The following UGT1A5 variants were observed in gnomAD, a reference collection of about 807,000 sequenced individuals.
UGT1A5 encodes the protein UDP glucuronosyltransferase family 1 member A5, also known as UDP-glucuronosyltransferase 1A5.
UGT1A5 carries 29 observed loss-of-function variants against 40.3 expected under a neutral mutation model. That is an observed-to-expected ratio of 0.72 (90% CI 0.54 to 0.98). UGT1A5 has a LOEUF of 0.98. UGT1A5 is among the 50% of genes least tolerant of loss of function. UGT1A5 has a pLI of 0.00. For missense variants in UGT1A5, 678 were observed against 677.9 expected, an observed-to-expected ratio of 1.00 and a Z score of 0.00; for synonymous variants, 257 against 262.5, an observed-to-expected ratio of 0.98 and a Z score of 0.20.
Position 233,743,192 on chromosome 2 carries a change from T to C in UGT1A5, c.868-23842T>C, listed in dbSNP as rs560095677. ...AAAGTCAAATGTGGACTGGAATTAC[T>C]TGGTGTCAATGCGGAGTAACTGCTC... On this transcript the variant is annotated intron_variant, in intron 1 of 4. Coordinates refer to ENST00000373414, the MANE Select transcript of UGT1A5 (RefSeq NM_019078.2). The C allele has an allele frequency of 2.2e-3, 846 of 376,748 alleles. 20 individuals carry two copies. The highest frequency in any genetic ancestry group is 0.016 in the South Asian group (827 of 50,812). 23.3% of individuals were successfully genotyped at this position (376,748 alleles called of 1,614,324 possible). A position where few individuals can be genotyped will look rare whatever the true frequency, so the allele number is the denominator to read the frequency against.
At chr2:233,718,360 T>C (rs2076649371) in intron 1 of UGT1A5, among the ~76,000 whole-genome samples, 1 of 152,232 alleles carries the variant, frequency 6.6e-6, no homozygotes, top group Non-Finnish European at 1.5e-5. Context: ...TGCTGTGTTA[T>C]TCACATATGA....
intron 1 of UGT1A5, chr2:233,743,973 G>C (rs1575662575): frequency 7.6e-7 from 1 of 1,312,160 alleles, no homozygotes; most frequent in East Asian, 4.7e-5. Flanking sequence ...AAGGCTGCCA[G>C]CACCCAGGCG....
chr2:233,738,648 G>A (rs1199292214), intron 1 of UGT1A5, among the ~76,000 whole-genome samples: 1 of 152,164 alleles, frequency 6.6e-6, no homozygotes, highest in African/African-American at 2.4e-5. Flanking sequence ...AGAGCTCTTT[G>A]GAACTACGAA....
intron 1 of UGT1A5, among the ~76,000 whole-genome samples, chr2:233,736,594 G>A (rs1196858563): frequency 2.0e-5 from 3 of 152,156 alleles, no homozygotes; most frequent in African/African-American, 7.2e-5. Flanking sequence ...ATGTGCTTAT[G>A]CGCTATGGTT....
Position 233,772,785 on chromosome 2 carries a change from G to C in UGT1A5, c.*226G>C, listed in dbSNP as rs2126067599. ...GTGCCCCCTCTGGTGTCTTTGATCA[G>C]GATGACATGTGCCATTTTTCAGAGG... is the stretch of plus-strand genomic sequence containing the variant. On this transcript the variant is annotated 3_prime_UTR_variant, in exon 5 of 5. Transcript: ENST00000373414. 1 of 1,262,930 alleles carries C rather than the reference G, an allele frequency of 7.9e-7. No homozygotes were observed. The highest frequency in any genetic ancestry group is 1.0e-6 in the Non-Finnish European group (1 of 955,160). 78.2% of individuals were successfully genotyped at this position (1,262,930 alleles called of 1,614,324 possible).
At chr2:233,768,051 T>C in intron 3 of UGT1A5, 115 bp downstream of exon 3, 1 of 1,605,492 alleles carries the variant, frequency 6.2e-7, no homozygotes, top group South Asian at 1.1e-5. Flanking sequence ...CAACATATCC[T>C]ACATTGCTTT....
intron 1 of UGT1A5, chr2:233,760,636 A>G (rs1559407230): frequency 6.2e-7 from 1 of 1,614,144 alleles, no homozygotes; most frequent in South Asian, 1.1e-5. Context: ...CAAGAAAATA[A>G]AAAAGGACTC....
chr2:233,737,046 A>C (rs1237112865), intron 1 of UGT1A5, among the ~76,000 whole-genome samples: 1 of 152,204 alleles, frequency 6.6e-6, no homozygotes, highest in Non-Finnish European at 1.5e-5. Context: ...CAAATGCCAT[A>C]CTAGGAGAAC....
chr2:233,751,986 T>A (rs1694863386), intron 1 of UGT1A5, among the ~76,000 whole-genome samples: 1 of 152,156 alleles, frequency 6.6e-6, no homozygotes, highest in South Asian at 2.1e-4. Context: ...TGAATCTGCA[T>A]TTATTGAGAA....
intron 1 of UGT1A5, among the ~76,000 whole-genome samples, chr2:233,765,768 G>T (rs35640782): frequency 0.021 from 3,251 of 152,014 alleles, 121 homozygotes; most frequent in African/African-American, 0.073. Flanking sequence ...ATTCTTGGGG[G>T]ATTCATTGGA....
At chr2:233,757,535 A>AATATATATACATATACATACATAT (rs376887521) in intron 1 of UGT1A5, among the ~76,000 whole-genome samples, 1 of 88,310 alleles carries the variant, frequency 1.1e-5, no homozygotes, top group South Asian at 5.2e-4. Flanking sequence ...GCCTGTAAGG[A>AATATATATACATATACATACATAT]ATATATATAT....
rs1278012950 is a variant in UGT1A5, at chr2:233,718,882, G to C, written c.867+5024G>C. The stretch of plus-strand genomic sequence containing the variant: ...GCCACAGGACTGCTGCTCCTCCTCA[G>C]TGTCCAGCCCTGGGCTGAGAGTGGA... On this transcript the variant is annotated intron_variant, in intron 1 of 4. Coordinates refer to ENST00000373414, the MANE Select transcript of UGT1A5 (RefSeq NM_019078.2). 1 of 1,613,978 alleles carries C rather than the reference G, an allele frequency of 6.2e-7. No homozygotes were observed.
intron 1 of UGT1A5, among the ~76,000 whole-genome samples, chr2:233,716,238 T>C (rs17863791): frequency 0.1 from 15,440 of 152,242 alleles, 905 homozygotes; most frequent in East Asian, 0.2. Context: ...TACATTGTCC[T>C]GCCCGGACAT....
intron 1 of UGT1A5, among the ~76,000 whole-genome samples, chr2:233,740,100 A>G (rs17862874): frequency 0.037 from 5,662 of 151,960 alleles, 157 homozygotes; most frequent in Non-Finnish European, 0.057. Context: ...CATGTGAGAC[A>G]TGCCTTTGCT....
At chr2:233,746,331 A>G (rs1482608381) in intron 1 of UGT1A5, among the ~76,000 whole-genome samples, 1 of 151,784 alleles carries the variant, frequency 6.6e-6, no homozygotes, top group Non-Finnish European at 1.5e-5. Context: ...TCTACAGGGC[A>G]ATGGACATGT....
chr2:233,759,106 A>G (rs1201357273), intron 1 of UGT1A5, among the ~76,000 whole-genome samples: 1 of 152,224 alleles, frequency 6.6e-6, no homozygotes, highest in Non-Finnish European at 1.5e-5. Flanking sequence ...ACAGTTTGCA[A>G]ACCAGGGAGT....
At position 233,772,256 on chromosome 2, in the gene UGT1A5, G is replaced by A; in HGVS notation, c.1308-6G>A. ...CCAGGCATAACGAAACTGTCTTTGTGTTTAGTTACAAGGAGAACATCATGC... is the reference window on the plus strand; with the variant it reads ...CCAGGCATAACGAAACTGTCTTTGTATTTAGTTACAAGGAGAACATCATGC... On this transcript the variant is annotated splice_polypyrimidine_tract_variant and splice_region_variant and intron_variant, in intron 4 of 4. Coordinates refer to ENST00000373414, the MANE Select transcript of UGT1A5 (RefSeq NM_019078.2). 1.9e-6 allele frequency: 3 copies of A among 1,614,262 alleles called. No homozygotes were observed. Among genetic ancestry groups the A allele is most frequent in the Non-Finnish European group, 2.5e-6 (3 of 1,180,048 alleles).
At chr2:233,737,020 G>A (rs2078835336) in intron 1 of UGT1A5, among the ~76,000 whole-genome samples, 1 of 152,228 alleles carries the variant, frequency 6.6e-6, no homozygotes, top group African/African-American at 2.4e-5. Context: ...GAGGCAGTCT[G>A]TCCATTCTCA....
At position 233,754,981 on chromosome 2, in the gene UGT1A5, C is replaced by G. The variant is rs561889596; in HGVS notation, c.868-12053C>G. 2.3e-6 allele frequency: 3 copies of G among 1,295,894 alleles called. No individual in the cohort carries two copies. The Admixed American group carries it at 5.7e-5, about 25-fold the overall frequency. 80.3% of individuals were successfully genotyped at this position (1,295,894 alleles called of 1,614,324 possible). ...CCAAAGAACTCCCTGAAGACCTCGG[C>G]GGGGTCACGGAAGCTGAAGACCTAC... On this transcript the variant is annotated intron_variant, in intron 1 of 4. Coordinates refer to ENST00000373414, the MANE Select transcript of UGT1A5 (RefSeq NM_019078.2).
Sources: gnomAD v4.1 joint callset for allele counts (sites outside exome capture counted in the v4.1 genomes callset) on GRCh38, gnomAD v4.1.1 for gene constraint, MANE v1.5 for transcripts, NCBI Gene and HGNC (gene_info 2026-07-23, HGNC 2026-07-21) for gene names.